Variants in CREB3L3 observed in about 807,000 individuals in gnomAD.
The protein encoded by CREB3L3 is cAMP responsive element binding protein 3 like 3.
A neutral mutation model predicts 44.6 loss-of-function variants in CREB3L3; 40 were observed. The observed-to-expected ratio is 0.90, with a 90% confidence interval of 0.70 to 1.17. The LOEUF (loss-of-function observed/expected upper bound fraction) is 1.17, where lower values mean the gene tolerates loss of function less well. Ranked by LOEUF, CREB3L3 falls within the 50% of genes most tolerant of loss-of-function variation. CREB3L3 has a pLI of 0.00. For missense variants in CREB3L3, 578 were observed against 595.8 expected (o/e 0.97, Z 0.31); for synonymous variants, 273 against 256.3 (o/e 1.06, Z -0.62).
intron 1 of CREB3L3, among the ~76,000 whole-genome samples, chr19:4,154,314 T>G (rs1287184010): frequency 1.3e-5 from 2 of 152,082 alleles, no homozygotes; most frequent in African/African-American, 4.8e-5. Context: ...TCAGGTGAGC[T>G]GCCCGCCTCG....
At chr19:4,169,745 G>A (rs375549509) in intron 6 of CREB3L3, among the ~76,000 whole-genome samples, 30 of 151,746 alleles carry the variant, frequency 2.0e-4, no homozygotes, top group African/African-American at 6.5e-4. Flanking sequence ...AATTATAGGC[G>A]CCCACCACCA....
chr19:4,158,837 G>A (rs2041622852), intron 3 of CREB3L3, among the ~76,000 whole-genome samples: 2 of 151,934 alleles, frequency 1.3e-5, no homozygotes, highest in African/African-American at 2.4e-5. Context: ...GCTCAGAGAG[G>A]TGAAGTCACT....
chr19:4,157,040 C>A lies in CREB3L3; in HGVS notation c.202C>A (p.Leu68Met). ...CTCTGACGACTTCCTCAGCTCCATC[C>A]TGGGCTCTGGAGACTCACTGCCCAG... ...PDSDDFLSSILGSGDSLPSSP... is the reference protein window; with the variant it reads ...PDSDDFLSSIMGSGDSLPSSP... Residue 68 changes from leucine (L) to methionine (M), a missense_variant, in exon 3 of 10, where the codon CTG (leucine) becomes ATG (methionine). Leu to Met is a conservative substitution (Grantham distance 15). Transcript: ENST00000078445. 6.2e-7 allele frequency: 1 copy of A among 1,614,104 alleles called. No individual in the cohort carries two copies. The highest frequency in any genetic ancestry group is 8.5e-7 in the Non-Finnish European group (1 of 1,180,014).
At chr19:4,160,665 C>T (rs2041647716) in intron 4 of CREB3L3, among the ~76,000 whole-genome samples, 1 of 152,030 alleles carries the variant, frequency 6.6e-6, no homozygotes, top group Non-Finnish European at 1.5e-5. Flanking sequence ...AAGTGATTCT[C>T]CTGCCTCAGC....
At chr19:4,161,998 T>A (rs1302519287) in intron 4 of CREB3L3, among the ~76,000 whole-genome samples, 2 of 152,068 alleles carry the variant, frequency 1.3e-5, no homozygotes, top group Admixed American at 1.3e-4. Context: ...ACTGGCTTAT[T>A]TTGTTTTATT....
intron 4 of CREB3L3, among the ~76,000 whole-genome samples, chr19:4,160,755 A>T (rs951602983): frequency 1.3e-5 from 2 of 148,508 alleles, no homozygotes; most frequent in African/African-American, 5.0e-5. Flanking sequence ...TTTTTTTGAG[A>T]TGGCGTCTTG....
In CREB3L3 at chr19:4,168,448, T is replaced by C. The variant is rs1342790604; in HGVS notation, c.812T>C (p.Leu271Pro). 2.6e-6 allele frequency: 4 copies of C among 1,561,048 alleles called. No individual in the cohort carries two copies. The highest frequency in any genetic ancestry group is 1.4e-5 in the African/African-American group (1 of 73,714). ...RKKKKEYIDG[L>P]ETRMSACTAQ... is the part of the protein sequence containing the mutation. The stretch of plus-strand genomic sequence containing the variant: ...AAGAAGAAGGAATATATCGATGGCC[T>C]GGAGACTCGGTGGGTAGTGCTGGAC... The change falls in exon 6 of 10, where the codon CTG becomes CCG. Residue 271 changes from leucine to proline, a missense_variant. Coordinates refer to ENST00000078445, the MANE Select transcript of CREB3L3 (RefSeq NM_032607.3).
chr19:4,155,904 C>T (rs1446676117), intron 2 of CREB3L3, among the ~76,000 whole-genome samples: 2 of 151,462 alleles, frequency 1.3e-5, no homozygotes, highest in African/African-American at 2.4e-5. Context: ...GCCGCCACCA[C>T]GCTCGGCTAA....
chr19:4,156,928 G>A, intron 2 of CREB3L3, 67 bp from the exon 3 acceptor site: 2 of 1,545,740 alleles, frequency 1.3e-6, no homozygotes. Context: ...GTTTCCCTGG[G>A]GCCACACACT....
intron 3 of CREB3L3, 102 bp downstream of exon 3, chr19:4,157,397 G>A: frequency 7.6e-7 from 1 of 1,319,374 alleles, no homozygotes; most frequent in Non-Finnish European, 1.1e-6. Context: ...TCTTGTCCAA[G>A]GTCACACAGC....
chr19:4,154,989 G>A lies in CREB3L3; in HGVS notation c.118G>A (p.Val40Met), dbSNP rs376619280. ...CCGGCAGGACGGCATCCTGAGACAC[G>A]TGGAGCTGGGCGAGGGCTGGGGTCA... ...FDRQDGILRH[V>M]ELGEGWGHVK... Residue 40 changes from valine (V) to methionine (M), a missense_variant, in exon 2 of 10, where the codon GTG becomes ATG. Physicochemically the swap from Val to Met is conservative, Grantham distance 21. Coordinates refer to ENST00000078445, the MANE Select transcript of CREB3L3 (RefSeq NM_032607.3). The A allele has an allele frequency of 2.3e-5, 37 of 1,611,890 alleles. 1 individual carries two copies. The highest frequency in any genetic ancestry group is 8.8e-5 in the South Asian group (8 of 91,082).
chr19:4,162,399 T>C lies in CREB3L3; in HGVS notation c.577-2104T>C, dbSNP rs1011237688. On this transcript the variant is annotated intron_variant, in intron 4 of 9. Coordinates refer to ENST00000078445, the MANE Select transcript of CREB3L3 (RefSeq NM_032607.3). The stretch of plus-strand genomic sequence containing the variant: ...GTGATCCTCCTGCCTCGACCTCCCA[T>C]TTTTTTTGTATAGCTGACATACAGA... Among the ~76,000 whole-genome samples, 4 of 151,552 alleles carry C rather than the reference T, an allele frequency of 2.6e-5. No homozygotes were observed. In the Admixed American group the frequency reaches 2.6e-4, roughly 10 times the overall value.
At chr19:4,161,559 C>T (rs1199784038) in intron 4 of CREB3L3, among the ~76,000 whole-genome samples, 1 of 152,154 alleles carries the variant, frequency 6.6e-6, no homozygotes, top group Non-Finnish European at 1.5e-5. Context: ...AATTGAAGGC[C>T]ATCTACCCTG....
intron 4 of CREB3L3, among the ~76,000 whole-genome samples, chr19:4,160,303 A>T (rs939933704): frequency 3.8e-4 from 58 of 152,000 alleles, no homozygotes; most frequent in African/African-American, 1.3e-3. Context: ...CAACAATAAC[A>T]ACAACAAAAA....
intron 2 of CREB3L3, among the ~76,000 whole-genome samples, chr19:4,155,861 C>T (rs1173344248): frequency 6.6e-6 from 1 of 151,602 alleles, no homozygotes. Flanking sequence ...GATTCTCCTA[C>T]CTCAACTTCC....
At chr19:4,170,760 A>C (rs1461839991) in intron 7 of CREB3L3, among the ~76,000 whole-genome samples, 1 of 150,728 alleles carries the variant, frequency 6.6e-6, no homozygotes, top group Admixed American at 6.6e-5. Context: ...ATACAAAAAA[A>C]ATTAGCTGGG....
chr19:4,164,671 C>T, intron 5 of CREB3L3, 31 bp downstream of exon 5: 3 of 1,613,224 alleles, frequency 1.9e-6, no homozygotes. Context: ...AGCCCTGGAT[C>T]CATCTCCCCT....
chr19:4,171,518 C>G lies in CREB3L3; in HGVS notation c.1072+39C>G. 6.2e-7 allele frequency: 1 copy of G among 1,609,574 alleles called. No individual in the cohort carries two copies. The highest frequency in any genetic ancestry group is 1.3e-5 in the African/African-American group (1 of 74,914). ...ACCTTTGAAACCCTTGTCTGGTCTC[C>G]CCAAGTCCCCGTCCTGGGCCTCTGG... is the stretch of plus-strand genomic sequence containing the variant. On this transcript the variant is annotated intron_variant, in intron 9 of 9. Coordinates refer to ENST00000078445, the MANE Select transcript of CREB3L3 (RefSeq NM_032607.3). This position sits in a 1 kb window ranked among gnomAD's most constrained non-coding sequence, Gnocchi z 4.9.
intron 1 of CREB3L3, among the ~76,000 whole-genome samples, chr19:4,154,537 T>C (rs981237177): frequency 1.3e-5 from 2 of 151,702 alleles, no homozygotes; most frequent in Non-Finnish European, 2.9e-5. Flanking sequence ...AGCCAGCTAA[T>C]TTTTTTAAAT....
Sources: allele counts gnomAD v4.1 joint callset (sites outside exome capture counted in the v4.1 genomes callset), GRCh38; gene constraint gnomAD v4.1.1; non-coding constraint Gnocchi (gnomAD v3.1); transcripts MANE v1.5; gene names NCBI Gene and HGNC (gene_info 2026-07-23, HGNC 2026-07-21).